Variants in DGKB observed in about 807,000 individuals in gnomAD.
The protein encoded by DGKB is 90 kDa diacylglycerol kinase.
Under a neutral mutation model 114.3 loss-of-function variants are expected in DGKB, and 67 were observed. That is an observed-to-expected ratio of 0.59 (90% confidence interval 0.48 to 0.72). DGKB has a LOEUF of 0.72. DGKB is among the 30% of genes least tolerant of loss of function. DGKB has a pLI of 0.00. For synonymous variants in DGKB, 398 were observed against 323.1 expected (o/e 1.23, Z -2.49); for missense variants, 907 against 975.2 (o/e 0.93, Z 0.93).
chr7:14,304,948 A>G (rs1804220217), intron 23 of DGKB, among the ~76,000 whole-genome samples: 1 of 151,824 alleles, frequency 6.6e-6, no homozygotes, highest in Non-Finnish European at 1.5e-5. Context: ...CATTCACTCA[A>G]AGTACATACA....
At chr7:14,914,985 A>G (rs1030944438) in intron 1 of DGKB, among the ~76,000 whole-genome samples, 1 of 152,168 alleles carries the variant, frequency 6.6e-6, no homozygotes, top group Non-Finnish European at 1.5e-5. Flanking sequence ...AAATATAAAG[A>G]GCAAAAATAA....
intron 21 of DGKB, among the ~76,000 whole-genome samples, chr7:14,466,446 A>G (rs540703653): frequency 3.1e-4 from 47 of 152,282 alleles, no homozygotes; most frequent in Middle Eastern, 6.8e-3. Flanking sequence ...AAGACCAGTT[A>G]ACACCTTAGA....
At chr7:14,478,097 A>G (rs766272668) in intron 21 of DGKB, 64 bp downstream of exon 21, 11 of 1,068,844 alleles carry the variant, frequency 1.0e-5, no homozygotes, top group African/African-American at 9.5e-5. Flanking sequence ...TGTACCATCT[A>G]GTGATCTTTT....
rs1166268786 is a variant in DGKB, at chr7:14,176,427, GC to G, written c.2304+411del. 8 of 986,280 alleles carry G rather than the reference GC, an allele frequency of 8.1e-6. No individual in the cohort carries two copies. The South Asian group carries it at 3.8e-4, about 46-fold the overall frequency. The allele number at this position is 986,280 out of a possible 1,614,324, so 61.1% of individuals were successfully genotyped here. ...AAAGCCCTCAAATCCCCAAATGGAG[GC>G]ATAGAAAAGCTGAGAAATAAGTTCA... On this transcript the variant is annotated intron_variant, in intron 25 of 25. Coordinates refer to ENST00000402815, the MANE Select transcript of DGKB (RefSeq NM_001350709.2).
At chr7:14,472,315 C>T (rs1010935050) in intron 21 of DGKB, among the ~76,000 whole-genome samples, 2 of 152,070 alleles carry the variant, frequency 1.3e-5, no homozygotes, top group African/African-American at 4.8e-5. Flanking sequence ...CTCACAAGAT[C>T]GGATAGTTCT....
intron 1 of DGKB, among the ~76,000 whole-genome samples, chr7:14,854,699 A>C (rs2191476): frequency 0.9 from 137,097 of 152,180 alleles, 62,067 homozygotes; most frequent in East Asian, 1. Context: ...TGCCACAGAC[A>C]AGTACTGGTA....
At chr7:14,527,141 C>G (rs571542213) in intron 20 of DGKB, among the ~76,000 whole-genome samples, 18 of 152,094 alleles carry the variant, frequency 1.2e-4, no homozygotes, top group Middle Eastern at 6.8e-3. Flanking sequence ...GTTGGGTCAC[C>G]AGGTCTTGCC....
chr7:14,652,732 A>T (rs1175451832), intron 13 of DGKB, among the ~76,000 whole-genome samples: 2 of 151,772 alleles, frequency 1.3e-5, no homozygotes, highest in Non-Finnish European at 2.9e-5. Context: ...AATGGGAGAA[A>T]ATTTTCGCAA....
chr7:14,577,345 C>T (rs12699649), intron 19 of DGKB, among the ~76,000 whole-genome samples: 48,316 of 151,980 alleles, frequency 0.32, 8,528 homozygotes, highest in South Asian at 0.43. Flanking sequence ...AGGCCAGGTG[C>T]GGTGGCTCAT....
chr7:14,688,150 T>C (rs1428040372), intron 9 of DGKB, among the ~76,000 whole-genome samples: 1 of 151,816 alleles, frequency 6.6e-6, no homozygotes, highest in Non-Finnish European at 1.5e-5. Flanking sequence ...GTAAACTTAA[T>C]GGGGGAGGGA....
At chr7:14,458,707 A>G (rs1667744447) in intron 21 of DGKB, among the ~76,000 whole-genome samples, 1 of 152,158 alleles carries the variant, frequency 6.6e-6, no homozygotes, top group Non-Finnish European at 1.5e-5. Context: ...CAACCTGCAC[A>G]CCAGGATATT....
chr7:14,766,655 T>C lies in DGKB; in HGVS notation c.71-8924A>G, dbSNP rs1001927958. 3.3e-5 allele frequency among the ~76,000 whole-genome samples: 5 copies of C among 151,780 alleles called. No homozygotes were observed. The South Asian group carries it at 1.0e-3, about 31-fold the overall frequency. The stretch of plus-strand genomic sequence containing the variant: ...AGAAGCCTGGGCTGAAGAACGAAAT[T>C]TGAGTATAATTTCTATATAAACAGT... On this transcript the variant is annotated intron_variant, in intron 2 of 25. Transcript: ENST00000402815.
chr7:14,477,274 G>A (rs1782322894), intron 21 of DGKB, among the ~76,000 whole-genome samples: 1 of 152,154 alleles, frequency 6.6e-6, no homozygotes. Flanking sequence ...ATTTAAGAAT[G>A]TCCAGGTGCA....
chr7:14,968,984 C>T (rs997341033), intron 1 of DGKB, among the ~76,000 whole-genome samples: 15 of 152,178 alleles, frequency 9.9e-5, no homozygotes, highest in Admixed American at 4.6e-4. Flanking sequence ...TTGCAGAATT[C>T]ATCTTACTGG....
At chr7:14,662,056 G>T (rs562117022) in intron 13 of DGKB, among the ~76,000 whole-genome samples, 252 of 152,192 alleles carry the variant, frequency 1.7e-3, no homozygotes, top group African/African-American at 5.7e-3. Context: ...GGCCCGTTGT[G>T]GGGTGGGGTT....
rs554685226 is a variant in DGKB, at chr7:14,247,923, C to T, written c.2123-69772G>A. On this transcript the variant is annotated intron_variant, in intron 23 of 25. Transcript: ENST00000402815. Reference sequence around the variant, plus strand: ...ATTATAGCCAAAAAACAAATCATTGCATAGACTAATGACGAGTAGCTTTTC... The same window carrying T: ...ATTATAGCCAAAAAACAAATCATTGTATAGACTAATGACGAGTAGCTTTTC... Among the ~76,000 whole-genome samples the T allele has an allele frequency of 3.3e-5, 5 of 152,148 alleles. No homozygotes were observed. In the East Asian group the frequency reaches 7.7e-4, roughly 23 times the overall value.
chr7:14,919,095 A>AACACACACAC lies in DGKB; in HGVS notation c.-188+55591_-188+55600dup, dbSNP rs3036019. Among the ~76,000 whole-genome samples the AACACACACAC allele has an allele frequency of 6.1e-3, 700 of 114,920 alleles. 6 individuals are homozygous for AACACACACAC. Among genetic ancestry groups the AACACACACAC allele is most frequent in the South Asian group, 0.012 (36 of 3,038 alleles). 75.4% of individuals were successfully genotyped at this position (114,920 alleles called of 152,430 possible). On this transcript the variant is annotated intron_variant, in intron 1 of 4. Transcript: ENST00000437998. ...ACACACACACACACACACACACACA[A>AACACACACAC]ACACACACACACACACACACACACA...
intron 1 of DGKB, among the ~76,000 whole-genome samples, chr7:14,857,512 G>A (rs217542): frequency 0.11 from 17,057 of 152,094 alleles, 1,339 homozygotes; most frequent in Middle Eastern, 0.18. Context: ...GCGGATGTTC[G>A]AAGCTGCAAA....
chr7:14,151,396 T>G (rs914665399), intron 25 of DGKB, among the ~76,000 whole-genome samples: 1 of 151,902 alleles, frequency 6.6e-6, no homozygotes, highest in African/African-American at 2.4e-5. Flanking sequence ...AGACTTAGCT[T>G]CTTCTCTGTG....
Sources: gnomAD v4.1 joint callset for allele counts (sites outside exome capture counted in the v4.1 genomes callset) on GRCh38, gnomAD v4.1.1 for gene constraint, MANE v1.5 for transcripts, NCBI Gene and HGNC (gene_info 2026-07-23, HGNC 2026-07-21) for gene names.